Variants in KLHL1 observed in about 807,000 individuals in gnomAD.
KLHL1 encodes the protein kelch-like protein 1.
Under a neutral mutation model 77.7 loss-of-function variants are expected in KLHL1, and 47 were observed. That is an observed-to-expected ratio of 0.60 (90% CI 0.48 to 0.77). KLHL1 has a LOEUF of 0.77. Ranked by LOEUF, KLHL1 falls within the 30% of genes least tolerant of loss-of-function variation. The pLI is 0.00. For synonymous variants in KLHL1, 360 were observed against 325.2 expected (o/e 1.11, Z -1.15); for missense variants, 925 against 910.8 (o/e 1.02, Z -0.20).
chr13:70,080,804 G>A (rs2137429446), intron 1 of KLHL1, among the ~76,000 whole-genome samples: 1 of 152,006 alleles, frequency 6.6e-6, no homozygotes, highest in East Asian at 1.9e-4. Context: ...TGCCATGTTG[G>A]TCAGGCTGTT....
intron 8 of KLHL1, among the ~76,000 whole-genome samples, chr13:69,732,503 T>C (rs1395872334): frequency 7.9e-5 from 12 of 152,174 alleles, no homozygotes; most frequent in Admixed American, 7.9e-4. Flanking sequence ...CATCCTCTCC[T>C]GTATTTTCTG....
At chr13:70,025,520 C>A (rs1885919209) in intron 1 of KLHL1, among the ~76,000 whole-genome samples, 1 of 151,772 alleles carries the variant, frequency 6.6e-6, no homozygotes, top group Non-Finnish European at 1.5e-5. Flanking sequence ...CTTGTAGGCT[C>A]TAGGGTAATT....
intron 8 of KLHL1, among the ~76,000 whole-genome samples, chr13:69,726,441 G>T (rs776075293): frequency 1.3e-5 from 2 of 152,020 alleles, no homozygotes; most frequent in African/African-American, 4.8e-5. Context: ...ATATTTTAAC[G>T]TGCTTTACAG....
chr13:69,837,945 T>G (rs1400823766), intron 6 of KLHL1, among the ~76,000 whole-genome samples: 1 of 151,540 alleles, frequency 6.6e-6, no homozygotes, highest in Non-Finnish European at 1.5e-5. Flanking sequence ...CTTGATTTGC[T>G]ATGTACTTAT....
At chr13:69,827,239 T>C (rs1878583774) in intron 6 of KLHL1, among the ~76,000 whole-genome samples, 1 of 151,716 alleles carries the variant, frequency 6.6e-6, no homozygotes, top group African/African-American at 2.4e-5. Flanking sequence ...CATATTTAAT[T>C]TTGTCAATTA....
At chr13:69,920,328 A>C (rs1353841489) in intron 4 of KLHL1, among the ~76,000 whole-genome samples, 1 of 152,104 alleles carries the variant, frequency 6.6e-6, no homozygotes, top group Admixed American at 6.6e-5. Flanking sequence ...TGGGAAGAAA[A>C]TAAAAATGTT....
chr13:69,913,565 G>C (rs1025356190), intron 4 of KLHL1, among the ~76,000 whole-genome samples: 7 of 152,164 alleles, frequency 4.6e-5, no homozygotes, highest in Non-Finnish European at 1.0e-4. Flanking sequence ...GTATCATTTT[G>C]TACTAGAAAT....
chr13:69,936,854 G>A lies in KLHL1; in HGVS notation c.1014+3186C>T, dbSNP rs187574747. ...CTGCATTCCTCAAGAACCTCCAGAGGCCTCCCAACAATGGTGTCAGCCTGC... is the reference window on the plus strand; with the variant it reads ...CTGCATTCCTCAAGAACCTCCAGAGACCTCCCAACAATGGTGTCAGCCTGC... On this transcript the variant is annotated intron_variant, in intron 4 of 10. Coordinates refer to ENST00000377844, the MANE Select transcript of KLHL1 (RefSeq NM_020866.3). 1.7e-3 allele frequency among the ~76,000 whole-genome samples: 255 copies of A among 152,154 alleles called. 1 individual carries two copies. The highest frequency in any genetic ancestry group is 5.8e-3 in the African/African-American group (240 of 41,524).
At chr13:69,802,149 G>A (rs1185136923) in intron 6 of KLHL1, among the ~76,000 whole-genome samples, 1 of 151,782 alleles carries the variant, frequency 6.6e-6, no homozygotes, top group African/African-American at 2.4e-5. Flanking sequence ...AGTTTGCTGA[G>A]AATGATGGTT....
intron 7 of KLHL1, among the ~76,000 whole-genome samples, chr13:69,748,859 T>C (rs1436578910): frequency 6.6e-6 from 1 of 152,012 alleles, no homozygotes; most frequent in Non-Finnish European, 1.5e-5. Flanking sequence ...GTATAAAATA[T>C]GTCATTACTC....
At chr13:69,867,761 A>G in intron 5 of KLHL1, among the ~76,000 whole-genome samples, 1 of 151,024 alleles carries the variant, frequency 6.6e-6, no homozygotes. Flanking sequence ...ATAATAAAGA[A>G]AAAAGCATAT....
Position 70,107,605 on chromosome 13 carries a change from G to T in KLHL1, c.95C>A (p.Pro32Gln). 1.9e-6 allele frequency: 3 copies of T among 1,594,142 alleles called. No individual in the cohort carries two copies. The highest frequency in any genetic ancestry group is 2.6e-6 in the Non-Finnish European group (3 of 1,170,512). ...FSHPSPSTGG[P>Q]AGGGCLQQDG... ...CTGTTGCAGGCAGCCTCCCCCCGCC[G>T]GGCCGCCGGTGGAAGGAGACGGGTG... Residue 32 changes from proline (P) to glutamine (Q), a missense_variant, in exon 1 of 11, where the codon CCG becomes CAG. Coordinates refer to ENST00000377844, the MANE Select transcript of KLHL1 (RefSeq NM_020866.3).
chr13:69,899,809 G>C (rs1284936971), intron 4 of KLHL1, among the ~76,000 whole-genome samples: 2 of 152,102 alleles, frequency 1.3e-5, no homozygotes, highest in African/African-American at 4.8e-5. Flanking sequence ...TAGCAGCTTA[G>C]CAGACAGTAT....
intron 5 of KLHL1, among the ~76,000 whole-genome samples, chr13:69,846,838 A>AT (rs967640360): frequency 1.5e-5 from 2 of 135,898 alleles, no homozygotes; most frequent in African/African-American, 5.4e-5. Context: ...ATATGATTTT[A>AT]TTTGAAATGT....
intron 5 of KLHL1, among the ~76,000 whole-genome samples, chr13:69,868,896 C>A (rs1203165039): frequency 6.6e-6 from 1 of 151,980 alleles, no homozygotes; most frequent in Non-Finnish European, 1.5e-5. Context: ...TAGTATAGTA[C>A]AAGTTTTGAA....
At chr13:69,954,425 T>C (rs1315066876) in intron 3 of KLHL1, among the ~76,000 whole-genome samples, 5 of 151,286 alleles carry the variant, frequency 3.3e-5, no homozygotes, top group Non-Finnish European at 7.4e-5. Context: ...ATGATTCAAT[T>C]CTTAGCTTCT....
At chr13:69,792,861 T>C (rs1256791705) in intron 7 of KLHL1, among the ~76,000 whole-genome samples, 1 of 152,116 alleles carries the variant, frequency 6.6e-6, no homozygotes, top group Non-Finnish European at 1.5e-5. Context: ...GCAGATTAAT[T>C]GCTGCTAAGG....
At chr13:70,071,880 T>C (rs140352006) in intron 1 of KLHL1, among the ~76,000 whole-genome samples, 82 of 152,108 alleles carry the variant, frequency 5.4e-4, no homozygotes, top group African/African-American at 1.8e-3. Flanking sequence ...AAATTAATAA[T>C]CTATTCTTCA....
At chr13:69,880,669 A>G (rs1478935603) in intron 5 of KLHL1, among the ~76,000 whole-genome samples, 1 of 152,176 alleles carries the variant, frequency 6.6e-6, no homozygotes, top group Non-Finnish European at 1.5e-5. Context: ...TGACATGCAC[A>G]GGTGGCAGCA....
Sources: allele counts gnomAD v4.1 joint callset (sites outside exome capture counted in the v4.1 genomes callset), GRCh38; gene constraint gnomAD v4.1.1; transcripts MANE v1.5; gene names NCBI Gene and HGNC (gene_info 2026-07-23, HGNC 2026-07-21).